Variants in KDM4C observed in about 807,000 individuals in gnomAD.
KDM4C encodes lysine-specific demethylase 4C.
A neutral mutation model predicts 129.3 loss-of-function variants in KDM4C; 81 were observed. The observed-to-expected ratio is 0.63, with a 90% confidence interval of 0.52 to 0.75. The LOEUF is 0.75. KDM4C is among the 30% of genes least tolerant of loss of function. The pLI is 0.00. For missense variants in KDM4C, 1,457 were observed against 1,304.0 expected (o/e 1.12, Z -1.81); for synonymous variants, 573 against 456.1 (o/e 1.26, Z -3.26).
At chr9:6,805,855 T>C in intron 3 of KDM4C, 81 bp downstream of exon 3, 1 of 1,307,446 alleles carries the variant, frequency 7.6e-7, no homozygotes, top group South Asian at 1.7e-5. Context: ...ACAGAGGAGC[T>C]TATAAATGAA....
intron 17 of KDM4C, among the ~76,000 whole-genome samples, chr9:7,085,800 G>A (rs1465577843): frequency 1.3e-5 from 2 of 152,104 alleles, no homozygotes; most frequent in African/African-American, 4.8e-5. Context: ...AATGGAGCAT[G>A]CAGTCTCAGA....
At chr9:6,776,550 T>C (rs914167538) in intron 1 of KDM4C, among the ~76,000 whole-genome samples, 3 of 146,506 alleles carry the variant, frequency 2.0e-5, no homozygotes, top group Non-Finnish European at 4.5e-5. Context: ...TCAACACATC[T>C]TTCTTTGGCT....
intron 17 of KDM4C, among the ~76,000 whole-genome samples, chr9:7,098,759 G>T (rs1836739137): frequency 6.6e-6 from 1 of 152,238 alleles, no homozygotes; most frequent in Non-Finnish European, 1.5e-5. Context: ...AATGGCAGTT[G>T]TTCCATTCTG....
chr9:6,775,534 T>C (rs1341892838), intron 1 of KDM4C, among the ~76,000 whole-genome samples: 2 of 152,034 alleles, frequency 1.3e-5, no homozygotes, highest in Admixed American at 6.6e-5. Context: ...CAAATGGTTT[T>C]TTTTTGAGAT....
At chr9:6,867,835 A>C (rs545885667) in intron 5 of KDM4C, among the ~76,000 whole-genome samples, 13 of 152,242 alleles carry the variant, frequency 8.5e-5, no homozygotes, top group African/African-American at 3.1e-4. Flanking sequence ...CCTCCCCTGC[A>C]CTTCCCCACT....
chr9:6,780,768 C>CA (rs34457968), intron 1 of KDM4C, among the ~76,000 whole-genome samples: 21,992 of 32,150 alleles, frequency 0.68, 8,744 homozygotes, highest in Non-Finnish European at 0.73. Context: ...AACTCCCTCT[C>CA]AAAAAAAAAA....
intron 8 of KDM4C, among the ~76,000 whole-genome samples, chr9:6,949,140 C>A (rs1589261346): frequency 2.0e-5 from 3 of 148,918 alleles, no homozygotes; most frequent in Admixed American, 2.0e-4. Context: ...GGGGCGGCTG[C>A]TGGGCGGAGG....
rs1212312253 is a variant in KDM4C at position 7,100,674 on chromosome 9, C to G, written c.2425-3011C>G. On this transcript the variant is annotated intron_variant, in intron 17 of 21. Transcript: ENST00000381309. ...TTAGAAACATCATGTTAAAAACATT[C>G]TGAGTGGCACTGTTTTTAAAATAAT... Among the ~76,000 whole-genome samples the G allele has an allele frequency of 4.6e-5, 7 of 152,186 alleles. No homozygotes were observed. In the East Asian group the frequency reaches 1.3e-3, roughly 29 times the overall value.
chr9:6,811,965 A>T (rs1056303354), intron 3 of KDM4C, among the ~76,000 whole-genome samples: 1 of 152,216 alleles, frequency 6.6e-6, no homozygotes, highest in African/African-American at 2.4e-5. Flanking sequence ...GACTCTGATC[A>T]GTTACTAGCC....
chr9:6,757,174 G>C (rs1355599952), upstream of KDM4C, among the ~76,000 whole-genome samples: 1 of 152,160 alleles, frequency 6.6e-6, no homozygotes, highest in East Asian at 1.9e-4. Flanking sequence ...GCAACAAGTT[G>C]TAGGAAGTTA....
chr9:7,090,744 G>A (rs1835696360), intron 17 of KDM4C, among the ~76,000 whole-genome samples: 1 of 152,158 alleles, frequency 6.6e-6, no homozygotes, highest in African/African-American at 2.4e-5. Flanking sequence ...TCCCTCAGCA[G>A]GTATAGTTTT....
intron 8 of KDM4C, among the ~76,000 whole-genome samples, chr9:6,900,956 T>A (rs1817300002): frequency 7.4e-6 from 1 of 134,870 alleles, no homozygotes. Flanking sequence ...GTAGCACTTT[T>A]GAAGCTTTAG....
chr9:7,000,191 T>G (rs917593853), intron 12 of KDM4C, among the ~76,000 whole-genome samples: 1 of 152,296 alleles, frequency 6.6e-6, no homozygotes, highest in Middle Eastern at 3.4e-3. Context: ...TAAATTCCAC[T>G]GGAAGTCCCA....
At chr9:6,977,695 C>A (rs368101016) in intron 8 of KDM4C, among the ~76,000 whole-genome samples, 1 of 152,026 alleles carries the variant, frequency 6.6e-6, no homozygotes, top group African/African-American at 2.4e-5. Flanking sequence ...CAGTTGTTTG[C>A]TCTAGATGTG....
Position 7,011,730 on chromosome 9 carries a change from G to C in KDM4C, c.1819G>C (p.Val607Leu). ...LPEVLSIEEE[V>L]EETESWAKPL... ...TGAGGTTCTGTCCATTGAGGAGGAA[G>C]TGGAAGAAACAGAGTCTTGGGCGAA... The change falls in exon 13 of 22, where the codon GTG becomes CTG. Residue 607 changes from valine to leucine, a missense_variant. Coordinates refer to ENST00000381309, the MANE Select transcript of KDM4C (RefSeq NM_015061.6). The C allele has an allele frequency of 1.9e-6, 3 of 1,614,148 alleles. No individual in the cohort carries two copies. Among genetic ancestry groups the C allele is most frequent in the Non-Finnish European group, 1.7e-6 (2 of 1,179,992 alleles).
rs573862558 is a variant in KDM4C, at chr9:6,742,943, G to T, written c.49+21946G>T. On this transcript the variant is annotated intron_variant, in intron 1 of 17. Transcript: ENST00000536108. ...GGAAAATCGCTTGAACCCGGGAGGT[G>T]GAAGTTGCAGTGAGCCAAGATTGTG... is the stretch of plus-strand genomic sequence containing the variant. 1.3e-3 allele frequency among the ~76,000 whole-genome samples: 196 copies of T among 152,154 alleles called. 1 individual carries two copies. Among genetic ancestry groups the T allele is most frequent in the African/African-American group, 3.9e-3 (161 of 41,540 alleles).
At chr9:6,925,037 G>C in intron 8 of KDM4C, 1 of 985,252 alleles carries the variant, frequency 1.0e-6, no homozygotes, top group South Asian at 4.7e-5. Flanking sequence ...AAATGAACCA[G>C]GTGTATAAGA....
intron 18 of KDM4C, among the ~76,000 whole-genome samples, chr9:7,112,864 G>C (rs562238635): frequency 6.6e-6 from 1 of 152,274 alleles, no homozygotes; most frequent in East Asian, 1.9e-4. Context: ...GTGTCTCTAA[G>C]ATCCTGGGTG....
At chr9:7,096,084 G>T (rs1295379628) in intron 17 of KDM4C, among the ~76,000 whole-genome samples, 1 of 152,166 alleles carries the variant, frequency 6.6e-6, no homozygotes, top group Non-Finnish European at 1.5e-5. Flanking sequence ...AAAGCTCTCT[G>T]TATGTTATAA....
Sources: gnomAD v4.1 joint callset for allele counts (sites outside exome capture counted in the v4.1 genomes callset) on GRCh38, gnomAD v4.1.1 for gene constraint, MANE v1.5 for transcripts, NCBI Gene and HGNC (gene_info 2026-07-23, HGNC 2026-07-21) for gene names.